TBC1D9B: variants seen among roughly 807,000 people sequenced by gnomAD.
TBC1D9B encodes the protein TBC1 domain family member 9B, also known as TBC1 domain family, member 9B (with GRAM domain).
A neutral mutation model predicts 121.1 loss-of-function variants in TBC1D9B; 87 were observed. The ratio of observed to expected loss-of-function variants is 0.72; its 90% CI spans 0.60 to 0.86. The LOEUF (loss-of-function observed/expected upper bound fraction) is 0.86. TBC1D9B is among the 40% of genes least tolerant of loss of function. The probability of loss-of-function intolerance (pLI) is 0.00; values close to 1 mark genes in which losing one functional copy is unlikely to be tolerated. For missense variants in TBC1D9B, 1,540 were observed against 1,628.6 expected (o/e 0.95, Z 0.94); for synonymous variants, 668 against 670.1 (o/e 1.00, Z 0.05).
intron 18 of TBC1D9B, chr5:179,867,387 A>C (rs1215266746): frequency 2.0e-6 from 3 of 1,479,996 alleles, no homozygotes; most frequent in Non-Finnish European, 2.7e-6. Flanking sequence ...AGGCTTCCTG[A>C]TAGTGCAGGA....
chr5:179,867,793 C>A lies in TBC1D9B; in HGVS notation c.2848G>T (p.Asp950Tyr), dbSNP rs762917377. Reference sequence around the variant, plus strand: ...GGCCGCTCACCTTCTGAGGAGCTGTCCTCTGTGAAATAATGGGCCGCCTCC... The same window carrying A: ...GGCCGCTCACCTTCTGAGGAGCTGTACTCTGTGAAATAATGGGCCGCCTCC... ...ALEAAHYFTE[D>Y]SSSEEALPQE... The change falls in exon 18 of 21, where the codon GAC becomes TAC. Residue 950 changes from aspartate (D) to tyrosine (Y), a missense_variant. By Grantham distance (160) the Asp-to-Tyr change is radical (BLOSUM62 -3). Transcript: ENST00000355235. The A allele has an allele frequency of 1.7e-5, 26 of 1,554,390 alleles. No homozygotes were observed. The highest frequency in any genetic ancestry group is 2.2e-5 in the Non-Finnish European group (25 of 1,148,942).
rs1031779317 is a variant in TBC1D9B, at chr5:179,885,591, C to G, written c.1254+2512G>C. On this transcript the variant is annotated intron_variant, in intron 7 of 20. Coordinates refer to ENST00000355235, the MANE Select transcript of TBC1D9B (RefSeq NM_015043.4). This position sits in a 1 kb window ranked among gnomAD's most constrained non-coding sequence, Gnocchi z 4.5. ...GTGACAGAGCAAGACTCTGTCCCCC[C>G]CCCAAAAAAAAAAAGATGGAGGTAT... 4.1e-5 allele frequency among the ~76,000 whole-genome samples: 5 copies of G among 123,074 alleles called. No homozygotes were observed. Among genetic ancestry groups the G allele is most frequent in the Admixed American group, 9.9e-5 (1 of 10,056 alleles). The allele number at this position is 123,074 out of a possible 152,430, so 80.7% of individuals were successfully genotyped here. A position where few individuals can be genotyped will look rare whatever the true frequency, so the allele number is the denominator to read the frequency against.
chr5:179,869,541 C>T (rs1459909102), intron 17 of TBC1D9B: 5 of 678,362 alleles, frequency 7.4e-6, no homozygotes, highest in African/African-American at 1.8e-5. Context: ...CAGCAGTGCC[C>T]GGTCACCCAT....
intron 9 of TBC1D9B, 53 bp downstream of exon 9, chr5:179,878,994 G>A: frequency 6.3e-7 from 1 of 1,582,540 alleles, no homozygotes; most frequent in Non-Finnish European, 8.5e-7. Flanking sequence ...CACGGGGAGA[G>A]CTTGGGGACT....
Position 179,895,797 on chromosome 5 carries a change from T to TG in TBC1D9B, c.349-1184dup, listed in dbSNP as rs540801373. Among the ~76,000 whole-genome samples, 6 of 152,320 alleles carry TG rather than the reference T, an allele frequency of 3.9e-5. No homozygotes were observed. The South Asian group carries it at 1.2e-3, about 32-fold the overall frequency. On this transcript the variant is annotated intron_variant, in intron 3 of 20. Coordinates refer to ENST00000355235, the MANE Select transcript of TBC1D9B (RefSeq NM_015043.4). ...ATGAGCCTAGGTGAGGACTGAAAGG[T>TG]GGGATCTGTTCTGATTTCTTCTATT... is the stretch of plus-strand genomic sequence containing the variant.
At chr5:179,886,991 G>A (rs1760705145) in intron 7 of TBC1D9B, among the ~76,000 whole-genome samples, 1 of 152,170 alleles carries the variant, frequency 6.6e-6, no homozygotes. Flanking sequence ...AAATCCATAC[G>A]TTCATAATTA....
chr5:179,873,789 G>A (rs960124445), intron 12 of TBC1D9B, among the ~76,000 whole-genome samples: 1 of 152,138 alleles, frequency 6.6e-6, no homozygotes, highest in Non-Finnish European at 1.5e-5. Context: ...TGGGTCCCTG[G>A]GCTGAGCCTG....
Position 179,875,604 on chromosome 5 carries a change from G to C in TBC1D9B, c.1900+316C>G, listed in dbSNP as rs1490322151. ...AATATGAACCTAATTAAACACTCTT[G>C]CAAGTCCATTTCCACTTCATAACAG... On this transcript the variant is annotated intron_variant, in intron 11 of 20. Coordinates refer to ENST00000355235, the MANE Select transcript of TBC1D9B (RefSeq NM_015043.4). This position sits in a 1 kb window ranked among gnomAD's most constrained non-coding sequence, Gnocchi z 4.5. 1.3e-5 allele frequency among the ~76,000 whole-genome samples: 2 copies of C among 152,144 alleles called. No individual in the cohort carries two copies. Among genetic ancestry groups the C allele is most frequent in the Non-Finnish European group, 2.9e-5 (2 of 68,036 alleles).
In TBC1D9B at chr5:179,890,128, T is replaced by A. The variant is rs1760818863; in HGVS notation, c.1044+1251A>T. On this transcript the variant is annotated intron_variant, in intron 6 of 20. Transcript: ENST00000355235. This position sits in a 1 kb window ranked among gnomAD's most constrained non-coding sequence, Gnocchi z 5.0. ...GGAAGCGGGTGGTTGGGAGTGAAAT[T>A]CAAGAGTCCACTACACCCACAGCAG... Among the ~76,000 whole-genome samples the A allele has an allele frequency of 6.6e-6, 1 of 152,006 alleles. No homozygotes were observed. Among genetic ancestry groups the A allele is most frequent in the Admixed American group, 6.6e-5 (1 of 15,264 alleles).
In TBC1D9B at chr5:179,869,805, T is replaced by C. The variant is rs564012229; in HGVS notation, c.2755A>G (p.Lys919Glu). Residue 919 changes from lysine to glutamate, a missense_variant, in exon 17 of 21, where the codon AAG becomes GAG. Lys to Glu is a moderately conservative substitution (Grantham distance 56). Transcript: ENST00000355235. ...SGMYHGDLTE[K>E]LKVLYKLHLP... is the part of the protein sequence containing the mutation. ...TGTAGCTTGTAGAGCACCTTGAGCTTCTCTGTCAGGTCCCCGTGGTACATC... is the reference window on the plus strand; with the variant it reads ...TGTAGCTTGTAGAGCACCTTGAGCTCCTCTGTCAGGTCCCCGTGGTACATC... 6.3e-7 allele frequency: 1 copy of C among 1,575,330 alleles called. No individual in the cohort carries two copies. Among genetic ancestry groups the C allele is most frequent in the South Asian group, 1.2e-5 (1 of 85,568 alleles).
chr5:179,889,872 A>C lies in TBC1D9B; in HGVS notation c.1044+1507T>G, dbSNP rs1289620844. Among the ~76,000 whole-genome samples, 18 of 29,728 alleles carry C rather than the reference A, an allele frequency of 6.1e-4. No homozygotes were observed. The African/African-American group carries it at 6.5e-3, about 11-fold the overall frequency. The allele number at this position is 29,728 out of a possible 152,430, so 19.5% of individuals were successfully genotyped here. A position where few individuals can be genotyped will look rare whatever the true frequency, so the allele number is the denominator to read the frequency against. ...CCAGGCAAGAGTGAGACCCTGTCTC[A>C]AAAAAAAAAAAAAAAAAAAAAAAGG... On this transcript the variant is annotated intron_variant, in intron 6 of 20. Transcript: ENST00000355235.
At chr5:179,883,003 C>T (rs1385310249) in intron 7 of TBC1D9B, among the ~76,000 whole-genome samples, 1 of 152,116 alleles carries the variant, frequency 6.6e-6, no homozygotes, top group Non-Finnish European at 1.5e-5. Flanking sequence ...TGATTCCAGG[C>T]ATGTGCCACT....
At chr5:179,887,636 C>T (rs1005421113) in intron 7 of TBC1D9B, 1 of 175,724 alleles carries the variant, frequency 5.7e-6, no homozygotes, top group Non-Finnish European at 1.2e-5. Context: ...GTGAAAAGTA[C>T]ACTTGCACAC....
chr5:179,894,614 C>T lies in TBC1D9B; in HGVS notation c.349G>A (p.Gly117Arg), dbSNP rs1208753288. 1.2e-6 allele frequency: 2 copies of T among 1,613,996 alleles called. No individual in the cohort carries two copies. The highest frequency in any genetic ancestry group is 1.1e-5 in the South Asian group (1 of 91,092). ...ITTFVKGKIH[G>R]IIAEENKNLQ... ...TTCTTGTTCTCTTCTGCGATGATTC[C>T]CTGGAGGAAGGCAAGAGGACAAGGG... is the stretch of plus-strand genomic sequence containing the variant. Residue 117 changes from glycine (G) to arginine (R), a missense_variant and splice_region_variant, in exon 4 of 21, where the codon GGA (glycine) becomes AGA (arginine). Transcript: ENST00000355235.
rs1056296451 is a variant in TBC1D9B, at chr5:179,902,685, T to C, written c.229+2017A>G. On this transcript the variant is annotated intron_variant, in intron 2 of 20. Coordinates refer to ENST00000355235, the MANE Select transcript of TBC1D9B (RefSeq NM_015043.4). The surrounding 1 kb of genome is among the most constrained non-coding windows in gnomAD (Gnocchi z 4.9). ...CTCCCCAGGGACGGGCAGCTCTTGC[T>C]GCCAGAGATGGAAATCTCAAGGGCC... Among the ~76,000 whole-genome samples, 17 of 152,320 alleles carry C rather than the reference T, an allele frequency of 1.1e-4. No homozygotes were observed. The highest frequency in any genetic ancestry group is 3.6e-4 in the African/African-American group (15 of 41,574).
At chr5:179,880,693 G>T (rs539421586) in intron 7 of TBC1D9B, among the ~76,000 whole-genome samples, 1 of 151,814 alleles carries the variant, frequency 6.6e-6, no homozygotes, top group African/African-American at 2.4e-5. Context: ...AGTGTATTGC[G>T]TATCAATTTT....
At chr5:179,869,693 C>T in intron 17 of TBC1D9B, 76 bp downstream of exon 17, 2 of 1,536,028 alleles carry the variant, frequency 1.3e-6, no homozygotes, top group Non-Finnish European at 1.8e-6. Flanking sequence ...CACAGTCTCA[C>T]AGAGGCCTGT....
Position 179,904,199 on chromosome 5 carries a change from C to A in TBC1D9B, c.229+503G>T, listed in dbSNP as rs1761238003. Reference sequence around the variant, plus strand: ...ATGGGGCTGTCCTCTCCTGCCCTGTCCCCATGACCAGTGGAGCTGCCTTTT... The same window carrying A: ...ATGGGGCTGTCCTCTCCTGCCCTGTACCCATGACCAGTGGAGCTGCCTTTT... On this transcript the variant is annotated intron_variant, in intron 2 of 20. Coordinates refer to ENST00000355235, the MANE Select transcript of TBC1D9B (RefSeq NM_015043.4). The surrounding 1 kb of genome is among the most constrained non-coding windows in gnomAD (Gnocchi z 4.2). Among the ~76,000 whole-genome samples, 1 of 150,826 alleles carries A rather than the reference C, an allele frequency of 6.6e-6. No individual in the cohort carries two copies. Among genetic ancestry groups the A allele is most frequent in the South Asian group, 2.1e-4 (1 of 4,800 alleles).
Position 179,885,314 on chromosome 5 carries a change from G to C in TBC1D9B, c.1254+2789C>G, listed in dbSNP as rs1316236115. On this transcript the variant is annotated intron_variant, in intron 7 of 20. Transcript: ENST00000355235. This position sits in a 1 kb window ranked among gnomAD's most constrained non-coding sequence, Gnocchi z 4.5. ...AATTAAAAAATGATGGAGTGGCCAGGCACGGTGGCTCACCCCTGTAATCCC... is the reference window on the plus strand; with the variant it reads ...AATTAAAAAATGATGGAGTGGCCAGCCACGGTGGCTCACCCCTGTAATCCC... Among the ~76,000 whole-genome samples, 1 of 152,198 alleles carries C rather than the reference G, an allele frequency of 6.6e-6. No homozygotes were observed. Among genetic ancestry groups the C allele is most frequent in the Non-Finnish European group, 1.5e-5 (1 of 68,032 alleles).
Sources: gnomAD v4.1 joint callset for allele counts (sites outside exome capture counted in the v4.1 genomes callset) on GRCh38, gnomAD v4.1.1 for gene constraint, Gnocchi (gnomAD v3.1) non-coding constraint, MANE v1.5 for transcripts, NCBI Gene and HGNC (gene_info 2026-07-23, HGNC 2026-07-21) for gene names.